WNT9A: variants seen among roughly 807,000 people sequenced by gnomAD.
WNT9A encodes the protein Wnt family member 9A, also known as protein Wnt-9a.
Under a neutral mutation model 31.4 loss-of-function variants are expected in WNT9A, and 8 were observed. That is an observed-to-expected ratio of 0.26 (90% confidence interval 0.15 to 0.46). The LOEUF (loss-of-function observed/expected upper bound fraction) is 0.46. Ranked by LOEUF, WNT9A falls within the 20% of genes least tolerant of loss-of-function variation. The pLI, the probability that WNT9A is intolerant of heterozygous loss-of-function variation, is 0.99. For synonymous variants in WNT9A, 236 were observed against 220.1 expected (o/e 1.07, Z -0.64); for missense variants, 457 against 522.9 (o/e 0.87, Z 1.23).
In WNT9A at chr1:227,922,064, C is replaced by A. The variant is rs898485561; in HGVS notation, c.616-64G>T. On this transcript the variant is annotated intron_variant, in intron 3 of 3. Transcript: ENST00000272164. ...TGTGCAGGTGGGCCCAGTGAGCAGA[C>A]CCTGCCCTGGACCCCCAGAGGGACC... 7.8e-6 allele frequency: 12 copies of A among 1,536,576 alleles called. No individual in the cohort carries two copies. The East Asian group carries it at 2.3e-4, about 29-fold the overall frequency.
intron 1 of WNT9A, among the ~76,000 whole-genome samples, chr1:227,930,329 G>C (rs2102722483): frequency 6.6e-6 from 1 of 152,298 alleles, no homozygotes; most frequent in African/African-American, 2.4e-5. Context: ...GCGCGTTTGT[G>C]GCTGCACCGG....
At position 227,919,853 on chromosome 1, in the gene WNT9A, A is replaced by AACACAC. The variant is rs71559823; in HGVS notation, c.*1659_*1664dup. The AACACAC allele has an allele frequency of 2.7e-3, 403 of 150,986 alleles. No homozygotes were observed. Among genetic ancestry groups the AACACAC allele is most frequent in the East Asian group, 7.2e-3 (37 of 5,108 alleles). The allele number at this position is 150,986 out of a possible 1,614,324, so 9.4% of individuals were successfully genotyped here. A position where few individuals can be genotyped will look rare whatever the true frequency, so the allele number is the denominator to read the frequency against. ...ACCACGCCAGCACACACACTCTCACAACACACACACACACTACACCCTCAA... is the reference window on the plus strand; with the variant it reads ...ACCACGCCAGCACACACACTCTCACAACACACACACACACACACACTACACCCTCAA... On this transcript the variant is annotated 3_prime_UTR_variant, in exon 4 of 4. Coordinates refer to ENST00000272164, the MANE Select transcript of WNT9A (RefSeq NM_003395.4).
chr1:227,940,828 A>G lies in WNT9A; in HGVS notation c.95+6965T>C, dbSNP rs555472707. 1.9e-4 allele frequency among the ~76,000 whole-genome samples: 29 copies of G among 152,346 alleles called. No individual in the cohort carries two copies. In the East Asian group the frequency reaches 5.0e-3, roughly 26 times the overall value. Reference sequence around the variant, plus strand: ...CAGCGGCGCCCAGCCAGCCAGGACCATGCCGGGAGGGCAACAGGCTCCTGG... The same window carrying G: ...CAGCGGCGCCCAGCCAGCCAGGACCGTGCCGGGAGGGCAACAGGCTCCTGG... On this transcript the variant is annotated intron_variant, in intron 1 of 3. Coordinates refer to ENST00000272164, the MANE Select transcript of WNT9A (RefSeq NM_003395.4).
At chr1:227,930,679 C>T (rs1457046141) in intron 1 of WNT9A, among the ~76,000 whole-genome samples, 3 of 152,212 alleles carry the variant, frequency 2.0e-5, no homozygotes, top group African/African-American at 4.8e-5. Context: ...ACACCGTTTC[C>T]GGCCACAGAG....
intron 1 of WNT9A, among the ~76,000 whole-genome samples, chr1:227,929,047 C>A (rs1018005939): frequency 6.6e-6 from 1 of 152,042 alleles, no homozygotes; most frequent in Non-Finnish European, 1.5e-5. Context: ...TCCTATAAAC[C>A]AATAACAAAG....
Position 227,927,697 on chromosome 1 carries a change from G to A in WNT9A, c.96-2178C>T, listed in dbSNP as rs985151818. On this transcript the variant is annotated intron_variant, in intron 1 of 3. Transcript: ENST00000272164. ...GGAGACCTCCATCCCCAGACGGAAC[G>A]CCACAGCTGTGACCAGAACAGCCCT... 3.9e-5 allele frequency among the ~76,000 whole-genome samples: 6 copies of A among 152,158 alleles called. No individual in the cohort carries two copies. In the East Asian group the frequency reaches 7.7e-4, roughly 20 times the overall value.
intron 1 of WNT9A, among the ~76,000 whole-genome samples, chr1:227,940,692 G>A (rs1206072485): frequency 3.9e-5 from 6 of 152,178 alleles, no homozygotes; most frequent in African/African-American, 7.2e-5. Context: ...CTCAGGTATC[G>A]CTAAAAAAAA....
intron 1 of WNT9A, among the ~76,000 whole-genome samples, chr1:227,938,405 A>C (rs2102728064): frequency 6.6e-6 from 1 of 151,886 alleles, no homozygotes; most frequent in Non-Finnish European, 1.5e-5. Flanking sequence ...CCCCTCACAC[A>C]CACACACACA....
At chr1:227,936,076 T>C (rs1475065961) in intron 1 of WNT9A, among the ~76,000 whole-genome samples, 1 of 152,254 alleles carries the variant, frequency 6.6e-6, no homozygotes, top group Non-Finnish European at 1.5e-5. Flanking sequence ...CAGCAGGGCC[T>C]CCACCTCCTG....
rs1302712644 is a variant in WNT9A, at chr1:227,942,511, C to A, written c.95+5282G>T. 6.6e-6 allele frequency among the ~76,000 whole-genome samples: 1 copy of A among 152,132 alleles called. No homozygotes were observed. Among genetic ancestry groups the A allele is most frequent in the South Asian group, 2.1e-4 (1 of 4,836 alleles). On this transcript the variant is annotated intron_variant, in intron 1 of 3. Coordinates refer to ENST00000272164, the MANE Select transcript of WNT9A (RefSeq NM_003395.4). This position sits in a 1 kb window ranked among gnomAD's most constrained non-coding sequence, Gnocchi z 5.7. Reference sequence around the variant, plus strand: ...GTCCTGGAGAAATGCCCCGACTTTCCACTGGCCCTGTCCTCTCCTCTCCAT... The same window carrying A: ...GTCCTGGAGAAATGCCCCGACTTTCAACTGGCCCTGTCCTCTCCTCTCCAT...
chr1:227,944,228 T>G (rs1666760302), intron 1 of WNT9A, among the ~76,000 whole-genome samples: 1 of 152,070 alleles, frequency 6.6e-6, no homozygotes, highest in African/African-American at 2.4e-5. Context: ...TACTAACGCG[T>G]GCTACAACGG....
At chr1:227,934,610 T>C (rs756991948) in intron 1 of WNT9A, among the ~76,000 whole-genome samples, 28 of 152,230 alleles carry the variant, frequency 1.8e-4, no homozygotes, top group Non-Finnish European at 3.7e-4. Flanking sequence ...TCCTTCTATT[T>C]CCTTTCACGT....
intron 1 of WNT9A, among the ~76,000 whole-genome samples, chr1:227,936,803 C>CTAA (rs1451859343): frequency 6.6e-6 from 1 of 152,202 alleles, no homozygotes; most frequent in African/African-American, 2.4e-5. Flanking sequence ...CTGTGTGCTT[C>CTAA]TAATGTGTCA....
At chr1:227,932,456 G>A (rs1187562744) in intron 1 of WNT9A, among the ~76,000 whole-genome samples, 1 of 152,112 alleles carries the variant, frequency 6.6e-6, no homozygotes, top group Non-Finnish European at 1.5e-5. Flanking sequence ...TCATCCCTGA[G>A]GGCTGGAATC....
intron 1 of WNT9A, among the ~76,000 whole-genome samples, chr1:227,943,744 C>T (rs1035044646): frequency 8.5e-5 from 13 of 152,272 alleles, no homozygotes; most frequent in African/African-American, 2.6e-4. Context: ...GCGAGGCTGA[C>T]GTGGGAGATC....
chr1:227,941,979 G>C (rs765532127), intron 1 of WNT9A, among the ~76,000 whole-genome samples: 4 of 152,024 alleles, frequency 2.6e-5, no homozygotes, highest in Non-Finnish European at 4.4e-5. Context: ...CCAGGGTCCA[G>C]AGCCTCCAGG....
Position 227,919,304 on chromosome 1 carries a change from T to C in WNT9A, c.*2214A>G, listed in dbSNP as rs1666265617. 6.6e-6 allele frequency: 1 copy of C among 152,140 alleles called. No individual in the cohort carries two copies. The highest frequency in any genetic ancestry group is 1.5e-5 in the Non-Finnish European group (1 of 68,066). 9.4% of individuals were successfully genotyped at this position (152,140 alleles called of 1,614,324 possible). ...CCACCCCCACCCCTTCTAGCCAGGC[T>C]TCACCAGACAAAGGACAAACCCAGC... On this transcript the variant is annotated 3_prime_UTR_variant, in exon 4 of 4. Coordinates refer to ENST00000272164, the MANE Select transcript of WNT9A (RefSeq NM_003395.4).
intron 3 of WNT9A, 72 bp downstream of exon 3, chr1:227,924,066 A>ACC: frequency 3.9e-5 from 1 of 25,380 alleles, no homozygotes; most frequent in Non-Finnish European, 6.8e-5. Flanking sequence ...CCCCAGTCCC[A>ACC]CGCCCCACCC....
rs1666719880 is a variant in WNT9A at position 227,942,198 on chromosome 1, C to T, written c.95+5595G>A. On this transcript the variant is annotated intron_variant, in intron 1 of 3. Transcript: ENST00000272164. The surrounding 1 kb of genome is among the most constrained non-coding windows in gnomAD (Gnocchi z 5.7). ...GCTGTCTCCCCAACCAGACGTCCGC[C>T]GGCTGTGGACAGGACATCTGCTCCC... 6.6e-6 allele frequency among the ~76,000 whole-genome samples: 1 copy of T among 152,132 alleles called. No individual in the cohort carries two copies. Among genetic ancestry groups the T allele is most frequent in the South Asian group, 2.1e-4 (1 of 4,826 alleles).
Sources: gnomAD v4.1 joint callset for allele counts (sites outside exome capture counted in the v4.1 genomes callset) on GRCh38, gnomAD v4.1.1 for gene constraint, Gnocchi (gnomAD v3.1) non-coding constraint, MANE v1.5 for transcripts, NCBI Gene and HGNC (gene_info 2026-07-23, HGNC 2026-07-21) for gene names.